DLG5: variants seen among roughly 807,000 people sequenced by gnomAD.
The protein encoded by DLG5 is discs large MAGUK scaffold protein 5.
DLG5 carries 48 observed loss-of-function variants against 189.8 expected under a neutral mutation model. That is an observed-to-expected ratio of 0.25 (90% CI 0.20 to 0.32). The LOEUF (loss-of-function observed/expected upper bound fraction) is 0.32, where lower values mean the gene tolerates loss of function less well. Among genes scored for constraint, DLG5 ranks in the 10% least tolerant of loss-of-function variants. The pLI, the probability that DLG5 is intolerant of heterozygous loss-of-function variation, is 1.00. For missense variants in DLG5, 2,160 were observed against 2,544.7 expected, an observed-to-expected ratio of 0.85 and a Z score of 3.25; for synonymous variants, 1,016 against 1,054.1, an observed-to-expected ratio of 0.96 and a Z score of 0.70.
intron 2 of DLG5, chr10:77,867,045 G>T (rs780674305): frequency 2.2e-6 from 1 of 457,164 alleles, no homozygotes. Context: ...GCCTGCCTGT[G>T]ATGCCCAGGA....
chr10:77,940,172 G>A, the DLG5 span, among the ~76,000 whole-genome samples: 1 of 152,278 alleles, frequency 6.6e-6, no homozygotes, highest in African/African-American at 2.4e-5. Flanking sequence ...CAGTCACATA[G>A]GATGTCCCGC....
chr10:77,848,536 A>G (rs898700484), intron 5 of DLG5, among the ~76,000 whole-genome samples: 6 of 152,168 alleles, frequency 3.9e-5, no homozygotes, highest in Admixed American at 3.9e-4. Flanking sequence ...GCAAAAGAAC[A>G]CAAAGACATG....
Position 77,829,385 on chromosome 10 carries a change from G to C in DLG5, c.2155C>G (p.Pro719Ala). The change falls in exon 12 of 32, where the codon CCG (proline) becomes GCG (alanine). Residue 719 changes from proline (P) to alanine (A), a missense_variant. By Grantham distance (27) the Pro-to-Ala change is conservative (BLOSUM62 -1). This residue lies in a region of DLG5 where 107 missense variants were observed against 214.5 expected (regional missense o/e 0.50). Coordinates refer to ENST00000372391, the MANE Select transcript of DLG5 (RefSeq NM_004747.4). Reference sequence around the variant, plus strand: ...TGTCCACTGAGGTTGATGTGCAGCGGCGTGACCACCTTCCCACCCAGGGAC... The same window carrying C: ...TGTCCACTGAGGTTGATGTGCAGCGCCGTGACCACCTTCCCACCCAGGGAC... The part of the protein sequence containing the change: ...RKSLGGKVVT[P>A]LHINLSGQKD... 1 of 1,614,184 alleles carries C rather than the reference G, an allele frequency of 6.2e-7. No individual in the cohort carries two copies. The highest frequency in any genetic ancestry group is 1.3e-5 in the African/African-American group (1 of 75,078).
chr10:77,853,666 G>C (rs917968216), intron 4 of DLG5, 129 bp from the exon 5 acceptor site: 1 of 970,300 alleles, frequency 1.0e-6, no homozygotes. Flanking sequence ...ATGGCAGGTA[G>C]GTCTGTAGCA....
At chr10:77,901,537 A>G (rs780503632) in intron 1 of DLG5, among the ~76,000 whole-genome samples, 2 of 152,244 alleles carry the variant, frequency 1.3e-5, no homozygotes, top group Non-Finnish European at 2.9e-5. Flanking sequence ...AGACTGCTGC[A>G]TCGCATCAGA....
At chr10:77,927,537 C>G (rs1369212747), upstream of DLG5, 5 of 152,326 alleles carry the variant, frequency 3.3e-5, no homozygotes, top group South Asian at 4.1e-4. Flanking sequence ...CCCGCGCCAG[C>G]ATTTGAGAAG....
chr10:77,896,244 T>C (rs1209360817), intron 1 of DLG5, among the ~76,000 whole-genome samples: 1 of 152,166 alleles, frequency 6.6e-6, no homozygotes, highest in Non-Finnish European at 1.5e-5. Flanking sequence ...ATTTGGCTAG[T>C]ATAACGTTAG....
rs555769698 is a variant in DLG5, at chr10:77,926,743, G to A, written c.-223C>T. On this transcript the variant is annotated 5_prime_UTR_variant, in exon 1 of 32. Transcript: ENST00000372391. The surrounding 1 kb of genome is among the most constrained non-coding windows in gnomAD (Gnocchi z 5.2). Reference sequence around the variant, plus strand: ...GGAGCGCAGCCATGTTGGCTGCCGCGGCGGCGGGACTGGAAGAGGAGGAGG... The same window carrying A: ...GGAGCGCAGCCATGTTGGCTGCCGCAGCGGCGGGACTGGAAGAGGAGGAGG... The A allele has an allele frequency of 2.3e-3, 370 of 158,274 alleles. No homozygotes were observed. Among genetic ancestry groups the A allele is most frequent in the Non-Finnish European group, 2.6e-3 (194 of 74,102 alleles). The allele number at this position is 158,274 out of a possible 1,614,324, so 9.8% of individuals were successfully genotyped here.
intron 1 of DLG5, among the ~76,000 whole-genome samples, chr10:77,878,524 C>T (rs1845175965): frequency 6.6e-6 from 1 of 152,040 alleles, no homozygotes; most frequent in Admixed American, 6.5e-5. Context: ...AGTCACGCAG[C>T]CTTCCCTTGA....
At chr10:77,934,842 C>CTTTTTTT in the DLG5 span, among the ~76,000 whole-genome samples, 1 of 145,026 alleles carries the variant, frequency 6.9e-6, no homozygotes, top group African/African-American at 2.7e-5. Context: ...GGGTGCTGTT[C>CTTTTTTT]TTTTTTTTTG....
chr10:77,827,742 T>A (rs1025249744), intron 13 of DLG5, among the ~76,000 whole-genome samples: 1 of 152,076 alleles, frequency 6.6e-6, no homozygotes, highest in Non-Finnish European at 1.5e-5. Flanking sequence ...CTACATATAA[T>A]CAAACAACAG....
intron 9 of DLG5, among the ~76,000 whole-genome samples, chr10:77,833,639 G>A (rs1014065464): frequency 6.6e-6 from 1 of 152,202 alleles, no homozygotes; most frequent in African/African-American, 2.4e-5. Context: ...TGGGAACAGG[G>A]TCCTCCCTTC....
intron 26 of DLG5, 53 bp from the exon 27 acceptor site, chr10:77,805,914 C>A: frequency 1.3e-6 from 2 of 1,509,762 alleles, no homozygotes; most frequent in Admixed American, 1.9e-5. Context: ...TGCTGCCCTG[C>A]CCTTCCTGCC....
chr10:77,806,150 G>A (rs913116401), intron 26 of DLG5: 3 of 409,590 alleles, frequency 7.3e-6, no homozygotes, highest in Non-Finnish European at 1.3e-5. Flanking sequence ...CCTTCAATTG[G>A]TGACATGACG....
At position 77,806,738 on chromosome 10, in the gene DLG5, C is replaced by CCCCCCCCCCCCACA; in HGVS notation, c.4967+19_4967+20insTGTGGGGGGGGGGG. On this transcript the variant is annotated intron_variant, in intron 26 of 31. Transcript: ENST00000372391. ...CGGCGACCCCTGCCCCACCCCACCC[C>CCCCCCCCCCCCACA]AGGCCCGGAGAACACTTACACATAT... 6.4e-7 allele frequency: 1 copy of CCCCCCCCCCCCACA among 1,574,706 alleles called. No individual in the cohort carries two copies. The highest frequency in any genetic ancestry group is 8.7e-7 in the Non-Finnish European group (1 of 1,147,894).
chr10:77,820,992 G>C (rs1032000495), intron 15 of DLG5, 90 bp downstream of exon 15: 27 of 1,481,044 alleles, frequency 1.8e-5, no homozygotes, highest in African/African-American at 2.8e-5. Flanking sequence ...AGGGGCCTGG[G>C]ACACTGGTGC....
rs1242226515 is a variant in DLG5, at chr10:77,868,670, C to T, written c.373+459G>A. 36 of 222,588 alleles carry T rather than the reference C, an allele frequency of 1.6e-4. No homozygotes were observed. The Admixed American group carries it at 1.8e-3, about 11-fold the overall frequency. The allele number at this position is 222,588 out of a possible 1,614,324, so 13.8% of individuals were successfully genotyped here. ...GGGAAGCCTGAGAAACCACTGCGGC[C>T]TTCCTGCTGGACTTCAGAGAAGGGC... On this transcript the variant is annotated intron_variant, in intron 2 of 31. Transcript: ENST00000372391.
At chr10:77,792,679 C>T (rs894368860) in intron 31 of DLG5, 136 bp from the exon 32 acceptor site, 26 of 737,300 alleles carry the variant, frequency 3.5e-5, no homozygotes, top group Non-Finnish European at 5.2e-5. Context: ...CCATCCCCAC[C>T]TGACTCTCCT....
In DLG5 at chr10:77,849,029, G is replaced by A. The variant is rs529715786; in HGVS notation, c.864+4325C>T. 1.9e-4 allele frequency among the ~76,000 whole-genome samples: 29 copies of A among 152,320 alleles called. 1 individual carries two copies. The South Asian group carries it at 5.8e-3, about 30-fold the overall frequency. On this transcript the variant is annotated intron_variant, in intron 5 of 31. Transcript: ENST00000372391. ...ACACAGCCTAGAAGAATCCAAGAAG[G>A]TGCACTCGGACTGCCCAAACCCAGA...
Sources: gnomAD v4.1 joint callset for allele counts (sites outside exome capture counted in the v4.1 genomes callset) on GRCh38, gnomAD v4.1.1 for gene constraint, gnomAD v4.1.1 regional missense constraint, Gnocchi (gnomAD v3.1) non-coding constraint, MANE v1.5 for transcripts, NCBI Gene and HGNC (gene_info 2026-07-23, HGNC 2026-07-21) for gene names.